FARP1: variants seen among roughly 807,000 people sequenced by gnomAD.
FARP1 encodes the protein FERM, ARHGEF and pleckstrin domain-containing protein 1.
A neutral mutation model predicts 128.8 loss-of-function variants in FARP1; 52 were observed. The ratio of observed to expected loss-of-function variants is 0.40; its 90% CI spans 0.32 to 0.51. FARP1 has a LOEUF of 0.51. FARP1 is among the 20% of genes least tolerant of loss of function. FARP1 has a pLI of 0.45. For missense variants in FARP1, 1,333 were observed against 1,367.9 expected, an observed-to-expected ratio of 0.97 and a Z score of 0.40; for synonymous variants, 580 against 551.8, an observed-to-expected ratio of 1.05 and a Z score of -0.72.
intron 26 of FARP1, chr13:98,447,838 C>G (rs1331949963): frequency 1.1e-5 from 2 of 182,890 alleles, no homozygotes; most frequent in East Asian, 3.3e-4. Context: ...GAGCCAGACC[C>G]TGTCTCAAAA....
chr13:98,395,670 G>C, intron 13 of FARP1, 194 bp downstream of exon 13: 2 of 639,416 alleles, frequency 3.1e-6, no homozygotes, highest in Non-Finnish European at 5.0e-6. Flanking sequence ...CCAGGGAGGA[G>C]GGGCGAAGAG....
chr13:98,167,908 C>T (rs1175980239), intron 1 of FARP1, among the ~76,000 whole-genome samples: 3 of 150,246 alleles, frequency 2.0e-5, no homozygotes, highest in Non-Finnish European at 4.4e-5. Flanking sequence ...TGCGGTGGCT[C>T]ACGCCTGTAA....
At position 98,454,195 on chromosome 13, in the gene FARP1, C is replaced by T. The variant is rs1415548472; in HGVS notation, c.*5878C>T. The T allele has an allele frequency of 6.6e-6, 1 of 152,158 alleles. No individual in the cohort carries two copies. The highest frequency in any genetic ancestry group is 1.5e-5 in the Non-Finnish European group (1 of 68,034). The allele number at this position is 152,158 out of a possible 1,614,324, so 9.4% of individuals were successfully genotyped here. On this transcript the variant is annotated 3_prime_UTR_variant, in exon 27 of 27. Transcript: ENST00000319562. ...TATGACCTGGTATGACAACAGAAGG[C>T]AATGCACCCAAAGATGCTGATGAGA...
At chr13:98,324,027 A>G (rs1887121289) in intron 2 of FARP1, among the ~76,000 whole-genome samples, 1 of 152,220 alleles carries the variant, frequency 6.6e-6, no homozygotes, top group Admixed American at 6.5e-5. Context: ...GTTGCACATG[A>G]AGGATTTTAT....
In FARP1 at chr13:98,267,212, C is replaced by G. The variant is rs372646691; in HGVS notation, c.171+53799C>G. ...CACACTCTGACTTAACCCTTTGATACCGTGGCAGCATGGTGCAGACTGACT... is the reference window on the plus strand; with the variant it reads ...CACACTCTGACTTAACCCTTTGATAGCGTGGCAGCATGGTGCAGACTGACT... On this transcript the variant is annotated intron_variant, in intron 2 of 26. Coordinates refer to ENST00000319562, the MANE Select transcript of FARP1 (RefSeq NM_005766.4). Among the ~76,000 whole-genome samples the G allele has an allele frequency of 7.2e-5, 11 of 152,244 alleles. 1 individual carries two copies. The highest frequency in any genetic ancestry group is 3.4e-3 in the Middle Eastern group (1 of 294).
intron 2 of FARP1, among the ~76,000 whole-genome samples, chr13:98,241,812 G>C (rs545828942): frequency 6.6e-6 from 1 of 152,228 alleles, no homozygotes; most frequent in Non-Finnish European, 1.5e-5. Flanking sequence ...TCAGCTACTT[G>C]GGAGGCTGAG....
intron 1 of FARP1, among the ~76,000 whole-genome samples, chr13:98,205,109 A>C (rs11620392): frequency 0.16 from 24,982 of 152,102 alleles, 2,647 homozygotes; most frequent in Middle Eastern, 0.33. Flanking sequence ...ACTTTATTTG[A>C]ACTTTTTGCC....
intron 1 of FARP1, among the ~76,000 whole-genome samples, chr13:98,196,839 T>TCATTTTCC (rs1377731161): frequency 6.6e-6 from 1 of 152,258 alleles, no homozygotes; most frequent in African/African-American, 2.4e-5. Flanking sequence ...TTAAACTTTC[T>TCATTTTCC]CATTTTCCCA....
rs1164573529 is a variant in FARP1 at position 98,453,019 on chromosome 13, CTG to C, written c.*4710_*4711del. The C allele has an allele frequency of 2.4e-5, 17 of 718,926 alleles. No individual in the cohort carries two copies. In the East Asian group the frequency reaches 3.0e-4, roughly 13 times the overall value. The allele number at this position is 718,926 out of a possible 1,614,324, so 44.5% of individuals were successfully genotyped here. A position where few individuals can be genotyped will look rare whatever the true frequency, so the allele number is the denominator to read the frequency against. On this transcript the variant is annotated 3_prime_UTR_variant, in exon 27 of 27. Coordinates refer to ENST00000319562, the MANE Select transcript of FARP1 (RefSeq NM_005766.4). ...TCATCTGGCTGCAGCACAGTGAAGACTGTGTGTGTCCCTGGACGGGCGCCTGG... is the reference window on the plus strand; with the variant it reads ...TCATCTGGCTGCAGCACAGTGAAGACTGTGTGTCCCTGGACGGGCGCCTGG...
intron 3 of FARP1, among the ~76,000 whole-genome samples, chr13:98,349,093 G>A (rs1277474574): frequency 1.3e-5 from 2 of 152,186 alleles, no homozygotes; most frequent in Non-Finnish European, 2.9e-5. Context: ...GGCCTATTGA[G>A]GCTAGCTGGA....
intron 2 of FARP1, among the ~76,000 whole-genome samples, chr13:98,219,360 CT>C (rs772970842): frequency 1.8e-3 from 267 of 144,552 alleles, no homozygotes; most frequent in Admixed American, 1.7e-3. Flanking sequence ...ATTAAAAAGT[CT>C]TTTTTTTTTT....
chr13:98,368,873 C>A (rs1947551922), intron 5 of FARP1, among the ~76,000 whole-genome samples: 2 of 152,002 alleles, frequency 1.3e-5, no homozygotes, highest in Admixed American at 1.3e-4. Context: ...CCATCATCAT[C>A]ACCATCGTCA....
At chr13:98,202,857 C>A (rs1203370136) in intron 1 of FARP1, among the ~76,000 whole-genome samples, 1 of 151,976 alleles carries the variant, frequency 6.6e-6, no homozygotes, top group Non-Finnish European at 1.5e-5. Flanking sequence ...GTAGCTGGGA[C>A]TGCAGGTGCT....
rs71111934 is a variant in FARP1 at position 98,207,908 on chromosome 13, CCACACACACACACACACA to C, written c.-23-5268_-23-5251del. ...ATATACTGCTCCCCGACCACCACCTCCACACACACACACACACACACACACACACACACACACACACAC... is the reference window on the plus strand; with the variant it reads ...ATATACTGCTCCCCGACCACCACCTCCACACACACACACACACACACACAC... On this transcript the variant is annotated intron_variant, in intron 1 of 26. Transcript: ENST00000319562. 1.5e-3 allele frequency among the ~76,000 whole-genome samples: 106 copies of C among 71,610 alleles called. No individual in the cohort carries two copies. In the South Asian group the frequency reaches 0.025, roughly 17 times the overall value. 47.0% of individuals were successfully genotyped at this position (71,610 alleles called of 152,430 possible).
intron 2 of FARP1, among the ~76,000 whole-genome samples, chr13:98,215,953 GCCAATTTTTGT>G (rs1881037272): frequency 3.3e-5 from 5 of 152,190 alleles, no homozygotes; most frequent in Admixed American, 3.3e-4. Context: ...ACCACACCCA[GCCAATTTTTGT>G]GTTTTTAGTA....
rs1594555566 is a variant in FARP1, at chr13:98,448,431, T to C, written c.*114T>C. 1 of 850,296 alleles carries C rather than the reference T, an allele frequency of 1.2e-6. No homozygotes were observed. The highest frequency in any genetic ancestry group is 2.0e-6 in the Non-Finnish European group (1 of 511,032). 52.7% of individuals were successfully genotyped at this position (850,296 alleles called of 1,614,324 possible). Reference sequence around the variant, plus strand: ...CTGTCTGAAAATCAAAAACATGGCTTCCCAGCAGCTCTCCTGTCTCCACAG... The same window carrying C: ...CTGTCTGAAAATCAAAAACATGGCTCCCCAGCAGCTCTCCTGTCTCCACAG... On this transcript the variant is annotated 3_prime_UTR_variant, in exon 27 of 27. Transcript: ENST00000319562.
rs367983342 is a variant in FARP1 at position 98,425,204 on chromosome 13, CA to C, written c.1905+566del. ...TCTGTGAATGGATGATTCAAAACTT[CA>C]AAAAAAAAAAAGATGTGGACAAACA... On this transcript the variant is annotated intron_variant, in intron 17 of 26. Transcript: ENST00000319562. Among the ~76,000 whole-genome samples, 357 of 137,560 alleles carry C rather than the reference CA, an allele frequency of 2.6e-3. 1 individual carries two copies. Among genetic ancestry groups the C allele is most frequent in the South Asian group, 0.014 (62 of 4,396 alleles). 90.2% of individuals were successfully genotyped at this position (137,560 alleles called of 152,430 possible).
At position 98,416,518 on chromosome 13, in the gene FARP1, A is replaced by C. The variant is rs534587368; in HGVS notation, c.1826+4484A>C. Among the ~76,000 whole-genome samples, 181 of 152,362 alleles carry C rather than the reference A, an allele frequency of 1.2e-3. 2 individuals carry two copies. The highest frequency in any genetic ancestry group is 4.2e-3 in the African/African-American group (173 of 41,596). ...ACACCTGAGAAGGAGATGGACGCCC[A>C]AGGCCTGCTTCTTGCTGGCAAAGCC... is the stretch of plus-strand genomic sequence containing the variant. On this transcript the variant is annotated intron_variant, in intron 16 of 26. Transcript: ENST00000319562.
intron 2 of FARP1, among the ~76,000 whole-genome samples, chr13:98,218,660 A>G (rs1881240456): frequency 6.6e-6 from 1 of 152,118 alleles, no homozygotes; most frequent in African/African-American, 2.4e-5. Flanking sequence ...GCATGCCACG[A>G]TTTATATGTC....
Sources: allele counts gnomAD v4.1 joint callset (sites outside exome capture counted in the v4.1 genomes callset), GRCh38; gene constraint gnomAD v4.1.1; transcripts MANE v1.5; gene names NCBI Gene and HGNC (gene_info 2026-07-23, HGNC 2026-07-21).